NELL1: variants seen among roughly 807,000 people sequenced by gnomAD.
The protein encoded by NELL1 is neural EGFL like 1.
NELL1 carries 76 observed loss-of-function variants against 107.4 expected under a neutral mutation model. That is an observed-to-expected ratio of 0.71 (90% CI 0.59 to 0.86). NELL1 has a LOEUF of 0.86. Among genes scored for constraint, NELL1 ranks in the 40% least tolerant of loss-of-function variants. NELL1 has a pLI of 0.00. For synonymous variants in NELL1, 353 were observed against 341.2 expected (o/e 1.03, Z -0.38); for missense variants, 1,024 against 1,005.5 (o/e 1.02, Z -0.25).
chr11:21,159,529 G>T (rs1309956469), intron 13 of NELL1, among the ~76,000 whole-genome samples: 1 of 152,166 alleles, frequency 6.6e-6, no homozygotes, highest in African/African-American at 2.4e-5. Flanking sequence ...CACCAAAGTT[G>T]CAAATACAAA....
chr11:20,852,272 T>A (rs1402210839), intron 4 of NELL1, among the ~76,000 whole-genome samples: 1 of 152,230 alleles, frequency 6.6e-6, no homozygotes, highest in Non-Finnish European at 1.5e-5. Context: ...CTAAACATAC[T>A]TATCTTTTAC....
At chr11:20,813,472 A>T (rs1440377802) in intron 3 of NELL1, among the ~76,000 whole-genome samples, 1 of 152,172 alleles carries the variant, frequency 6.6e-6, no homozygotes, top group Non-Finnish European at 1.5e-5. Flanking sequence ...GACGTGATAA[A>T]AAAAAACCAT....
chr11:21,203,373 T>C (rs1430913283), intron 13 of NELL1, among the ~76,000 whole-genome samples: 1 of 152,016 alleles, frequency 6.6e-6, no homozygotes, highest in Non-Finnish European at 1.5e-5. Flanking sequence ...TACCATTATG[T>C]AATGCCCTTC....
chr11:21,475,836 A>G (rs918954259), intron 15 of NELL1, among the ~76,000 whole-genome samples: 18 of 152,196 alleles, frequency 1.2e-4, no homozygotes, highest in Admixed American at 9.8e-4. Context: ...GCTGTTTGGT[A>G]TGATTTTGGG....
intron 11 of NELL1, among the ~76,000 whole-genome samples, chr11:20,958,751 C>A (rs1003844187): frequency 5.3e-5 from 8 of 152,092 alleles, no homozygotes; most frequent in Non-Finnish European, 1.0e-4. Context: ...ACAAGAAAGA[C>A]TGTTAAGCTA....
intron 3 of NELL1, among the ~76,000 whole-genome samples, chr11:20,814,676 C>A (rs1857584654): frequency 6.6e-6 from 1 of 151,972 alleles, no homozygotes. Context: ...GTTTATGTAC[C>A]ACATTTTCTT....
At chr11:20,959,354 C>T (rs1337748224) in intron 11 of NELL1, among the ~76,000 whole-genome samples, 14 of 152,102 alleles carry the variant, frequency 9.2e-5, no homozygotes, top group Admixed American at 8.5e-4. Context: ...ACTCATTATA[C>T]GAAAAAGACA....
chr11:20,773,916 G>T (rs1174426237), intron 2 of NELL1, among the ~76,000 whole-genome samples: 1 of 152,092 alleles, frequency 6.6e-6, no homozygotes, highest in East Asian at 1.9e-4. Context: ...CTCTGGTCCT[G>T]CTCCAGGTGA....
At chr11:21,409,546 T>C (rs1174092354) in intron 15 of NELL1, among the ~76,000 whole-genome samples, 4 of 151,720 alleles carry the variant, frequency 2.6e-5, no homozygotes, top group Non-Finnish European at 5.9e-5. Flanking sequence ...CTATCCTGCA[T>C]ATTGTGCACA....
At chr11:21,539,022 C>A (rs535913228) in intron 16 of NELL1, among the ~76,000 whole-genome samples, 1 of 152,178 alleles carries the variant, frequency 6.6e-6, no homozygotes, top group Non-Finnish European at 1.5e-5. Context: ...GCCCCATTTC[C>A]ATTAGTTAAA....
intron 14 of NELL1, among the ~76,000 whole-genome samples, chr11:21,352,502 G>T (rs185770378): frequency 6.6e-6 from 1 of 152,198 alleles, no homozygotes; most frequent in Non-Finnish European, 1.5e-5. Flanking sequence ...CTGGGTCCAT[G>T]CTTTATTAGG....
chr11:21,109,449 C>T (rs952101088), intron 12 of NELL1, among the ~76,000 whole-genome samples: 6 of 152,094 alleles, frequency 3.9e-5, no homozygotes, highest in African/African-American at 1.4e-4. Flanking sequence ...GTTCAACTTC[C>T]ACTCTGAGAT....
At chr11:20,707,959 G>A (rs1232517211) in intron 2 of NELL1, among the ~76,000 whole-genome samples, 1 of 152,206 alleles carries the variant, frequency 6.6e-6, no homozygotes, top group African/African-American at 2.4e-5. Context: ...GTATACAGGG[G>A]CAGGCAGGCC....
At chr11:20,944,483 C>T (rs1038607191) in intron 10 of NELL1, among the ~76,000 whole-genome samples, 1 of 152,080 alleles carries the variant, frequency 6.6e-6, no homozygotes, top group Non-Finnish European at 1.5e-5. Context: ...GGTTAGTGCA[C>T]AATGGTTAGT....
Position 21,001,946 on chromosome 11 carries a change from G to A in NELL1, c.1300+41386G>A, listed in dbSNP as rs77781642. Reference sequence around the variant, plus strand: ...GGGGCCATTTGAATGAAGAGTGTCTGTTAGAGTCCCATGTTGGGCAAAATG... The same window carrying A: ...GGGGCCATTTGAATGAAGAGTGTCTATTAGAGTCCCATGTTGGGCAAAATG... On this transcript the variant is annotated intron_variant, in intron 12 of 19. Coordinates refer to ENST00000357134, the MANE Select transcript of NELL1 (RefSeq NM_006157.5). 9.3e-3 allele frequency among the ~76,000 whole-genome samples: 1,409 copies of A among 152,274 alleles called. 26 individuals are homozygous for A. The highest frequency in any genetic ancestry group is 0.032 in the African/African-American group (1,335 of 41,552).
At chr11:21,321,553 G>A (rs1215915335) in intron 14 of NELL1, among the ~76,000 whole-genome samples, 1 of 152,150 alleles carries the variant, frequency 6.6e-6, no homozygotes, top group Non-Finnish European at 1.5e-5. Flanking sequence ...ATAGGAGAGA[G>A]CTTATTATAA....
chr11:20,692,247 A>C (rs928618524), intron 2 of NELL1, among the ~76,000 whole-genome samples: 1 of 149,108 alleles, frequency 6.7e-6, no homozygotes, highest in Non-Finnish European at 1.5e-5. Context: ...TCCTGGATTC[A>C]TTAATTTTTT....
At chr11:20,991,990 G>GTTAA (rs769434874) in intron 12 of NELL1, among the ~76,000 whole-genome samples, 2 of 66,234 alleles carry the variant, frequency 3.0e-5, no homozygotes, top group Non-Finnish European at 6.3e-5. Context: ...AGTGTAGCAT[G>GTTAA]CAAAAAAAAA....
intron 12 of NELL1, among the ~76,000 whole-genome samples, chr11:21,029,833 A>G (rs905543122): frequency 6.6e-6 from 1 of 152,210 alleles, no homozygotes; most frequent in East Asian, 1.9e-4. Context: ...TCCTCTTTCA[A>G]TCTTCTCTCC....
Sources: gnomAD v4.1 joint callset for allele counts (sites outside exome capture counted in the v4.1 genomes callset) on GRCh38, gnomAD v4.1.1 for gene constraint, MANE v1.5 for transcripts, NCBI Gene and HGNC (gene_info 2026-07-23, HGNC 2026-07-21) for gene names.